The following SLC36A1 variants were observed in gnomAD, a reference collection of about 807,000 sequenced individuals.
The protein encoded by SLC36A1 is solute carrier family 36 member 1.
In SLC36A1, 30 loss-of-function variants were observed where a neutral mutation model predicts 47.5. That is an observed-to-expected ratio of 0.63 (90% confidence interval 0.47 to 0.86). The LOEUF is 0.86. Among genes scored for constraint, SLC36A1 ranks in the 40% least tolerant of loss-of-function variants. SLC36A1 has a pLI of 0.00. For missense variants in SLC36A1, 517 were observed against 606.0 expected (o/e 0.85, Z 1.54); for synonymous variants, 255 against 249.7 (o/e 1.02, Z -0.20).
the SLC36A1 span, among the ~76,000 whole-genome samples, chr5:151,551,836 T>C: frequency 6.6e-6 from 1 of 152,348 alleles, no homozygotes; most frequent in Non-Finnish European, 1.5e-5. Context: ...TCAAATTGAT[T>C]AATAAACTAT....
chr5:151,543,703 T>C, the SLC36A1 span: 1 of 1,614,198 alleles, frequency 6.2e-7, no homozygotes, highest in Non-Finnish European at 8.5e-7. Flanking sequence ...GCTGTACTTG[T>C]TGGCATTTGT....
chr5:151,387,881 A>G, the SLC36A1 span, among the ~76,000 whole-genome samples: 1 of 152,220 alleles, frequency 6.6e-6, no homozygotes, highest in Non-Finnish European at 1.5e-5. Flanking sequence ...CAGAGCATAA[A>G]GTCTCACTAG....
chr5:151,554,284 C>G, the SLC36A1 span: 4 of 1,364,282 alleles, frequency 2.9e-6, no homozygotes, highest in East Asian at 4.7e-5. Flanking sequence ...TGGGCTGTCT[C>G]CCTCCTCCTG....
At chr5:151,458,264 G>A (rs1754894573) in intron 1 of SLC36A1, among the ~76,000 whole-genome samples, 1 of 143,900 alleles carries the variant, frequency 6.9e-6, no homozygotes, top group Non-Finnish European at 1.5e-5. Context: ...ATATATATAC[G>A]TGTGTATATG....
chr5:151,533,812 G>A, the SLC36A1 span, among the ~76,000 whole-genome samples: 2 of 151,930 alleles, frequency 1.3e-5, no homozygotes, highest in African/African-American at 4.8e-5. Flanking sequence ...ATGCAGGTAT[G>A]TATATACAAT....
the SLC36A1 span, among the ~76,000 whole-genome samples, chr5:151,372,140 A>G: frequency 6.6e-6 from 1 of 152,154 alleles, no homozygotes; most frequent in African/African-American, 2.4e-5. Context: ...CCAAAACTAC[A>G]AGCTTCTAGA....
At chr5:151,346,732 T>G in the SLC36A1 span, among the ~76,000 whole-genome samples, 1 of 152,104 alleles carries the variant, frequency 6.6e-6, no homozygotes, top group Admixed American at 6.5e-5. Context: ...TTGGAAGCCT[T>G]GTGAATAACC....
chr5:151,440,865 A>G (rs892281226), intron 1 of SLC36A1, among the ~76,000 whole-genome samples: 1 of 152,210 alleles, frequency 6.6e-6, no homozygotes, highest in Non-Finnish European at 1.5e-5. Context: ...CTCAGCAGAA[A>G]TAAGTCACTA....
the SLC36A1 span, among the ~76,000 whole-genome samples, chr5:151,517,101 C>G: frequency 6.7e-6 from 1 of 148,822 alleles, no homozygotes; most frequent in Non-Finnish European, 1.5e-5. Context: ...GAGAGAGACT[C>G]CATCTCAAAA....
At chr5:151,542,117 C>T in the SLC36A1 span, among the ~76,000 whole-genome samples, 1 of 152,214 alleles carries the variant, frequency 6.6e-6, no homozygotes, top group Non-Finnish European at 1.5e-5. Context: ...TGAGAACATG[C>T]ATGCCAAGTC....
Position 151,442,560 on chromosome 5 carries a change from G to T in SLC36A1, c.-6+5381G>T, listed in dbSNP as rs145254346. Among the ~76,000 whole-genome samples, 5 of 152,116 alleles carry T rather than the reference G, an allele frequency of 3.3e-5. No individual in the cohort carries two copies. In the South Asian group the frequency reaches 1.0e-3, roughly 32 times the overall value. Reference sequence around the variant, plus strand: ...TACATCCTATATTATTGTTACCTATGCTCATCCTACAGAGCTATAGAACTG... The same window carrying T: ...TACATCCTATATTATTGTTACCTATTCTCATCCTACAGAGCTATAGAACTG... On this transcript the variant is annotated intron_variant, in intron 1 of 8. Coordinates refer to the SLC36A1 transcript ENST00000429484.
chr5:151,458,875 G>C lies in SLC36A1; in HGVS notation c.83G>C (p.Gly28Ala), dbSNP rs759011972. ...AGCCCTGAGGAGAGCCCGTCGGAAG[G>C]CCTCAACAACCTCTCCTCCCCGGGC... is the stretch of plus-strand genomic sequence containing the variant. ...DVSPEESPSE[G>A]LNNLSSPGSY... The change falls in exon 2 of 11, where the codon GGC (glycine) becomes GCC (alanine). Residue 28 changes from glycine (G) to alanine (A), a missense_variant. Gly to Ala is a moderately conservative substitution (Grantham distance 60). Coordinates refer to ENST00000243389, the MANE Select transcript of SLC36A1 (RefSeq NM_078483.4). 1 of 1,613,928 alleles carries C rather than the reference G, an allele frequency of 6.2e-7. No individual in the cohort carries two copies.
At chr5:151,345,226 T>A in the SLC36A1 span, among the ~76,000 whole-genome samples, 1 of 152,188 alleles carries the variant, frequency 6.6e-6, no homozygotes, top group Non-Finnish European at 1.5e-5. Flanking sequence ...TTAGAAACCT[T>A]GGAAATTCCC....
the SLC36A1 span, chr5:151,507,592 C>T: frequency 6.2e-7 from 1 of 1,605,464 alleles, no homozygotes; most frequent in South Asian, 1.1e-5. Context: ...TCTGAACAAC[C>T]CCTCGCCTCC....
the SLC36A1 span, among the ~76,000 whole-genome samples, chr5:151,375,793 G>T: frequency 3.9e-5 from 6 of 152,126 alleles, no homozygotes; most frequent in Non-Finnish European, 8.8e-5. Context: ...TTCTCAGCTT[G>T]ATTGTTATTG....
chr5:151,348,827 G>GT, the SLC36A1 span, among the ~76,000 whole-genome samples: 1 of 152,000 alleles, frequency 6.6e-6, no homozygotes, highest in Non-Finnish European at 1.5e-5. Context: ...CGCTAGCCAG[G>GT]TTTTTTTTGG....
At chr5:151,446,872 C>T (rs532995787), upstream of SLC36A1, among the ~76,000 whole-genome samples, 3 of 152,158 alleles carry the variant, frequency 2.0e-5, no homozygotes, top group Admixed American at 6.5e-5. Context: ...TATTGACCCT[C>T]CTACTATTGT....
At chr5:151,546,211 T>C in the SLC36A1 span, 19 of 1,613,990 alleles carry the variant, frequency 1.2e-5, no homozygotes, top group Non-Finnish European at 1.6e-5. Flanking sequence ...GTCATGCCAT[T>C]GTGGGGAGCC....
the SLC36A1 span, among the ~76,000 whole-genome samples, chr5:151,555,007 G>A: frequency 6.6e-6 from 1 of 152,152 alleles, no homozygotes; most frequent in Admixed American, 6.5e-5. Flanking sequence ...TAGTTCTCTG[G>A]TTTCCTTAAG....
Sources: allele counts gnomAD v4.1 joint callset (sites outside exome capture counted in the v4.1 genomes callset), GRCh38; gene constraint gnomAD v4.1.1; transcripts MANE v1.5; gene names NCBI Gene and HGNC (gene_info 2026-07-23, HGNC 2026-07-21).